The following CHRNB4 variants were observed in gnomAD, a reference collection of about 807,000 sequenced individuals.
CHRNB4 encodes neuronal acetylcholine receptor subunit beta-4.
CHRNB4 carries 23 observed loss-of-function variants against 40.4 expected under a neutral mutation model. The ratio of observed to expected loss-of-function variants is 0.57; its 90% confidence interval spans 0.41 to 0.81. The LOEUF is 0.81. Ranked by LOEUF, CHRNB4 falls within the 30% of genes least tolerant of loss-of-function variation. The pLI is 0.00. For synonymous variants in CHRNB4, 285 were observed against 274.4 expected (o/e 1.04, Z -0.38); for missense variants, 568 against 670.6 (o/e 0.85, Z 1.69).
chr15:78,638,703 C>G (rs1450186077), intron 1 of CHRNB4, among the ~76,000 whole-genome samples: 1 of 152,304 alleles, frequency 6.6e-6, no homozygotes, highest in Non-Finnish European at 1.5e-5. Flanking sequence ...ACTTGCCCCC[C>G]AAAAAGGGGC....
chr15:78,626,767 T>C (rs1410487799), intron 5 of CHRNB4: 1 of 152,238 alleles, frequency 6.6e-6, no homozygotes, highest in Admixed American at 6.5e-5. Flanking sequence ...CAGTAATGTA[T>C]GTCAGCTCCC....
rs1450928142 is a variant in CHRNB4, at chr15:78,625,438, T to G, written c.1339-147A>C. The G allele has an allele frequency of 1.4e-5, 10 of 694,252 alleles. No homozygotes were observed. The South Asian group carries it at 2.2e-4, about 15-fold the overall frequency. The allele number at this position is 694,252 out of a possible 1,614,324, so 43.0% of individuals were successfully genotyped here. ...GGGGGGCAAGTTCTGAGTCCCAGGC[T>G]GGCCTCCCAGCTGGGCAGCTCTGAG... On this transcript the variant is annotated intron_variant, in intron 5 of 5. Transcript: ENST00000261751.
At chr15:78,643,877 C>T (rs934647649), upstream of CHRNB4, among the ~76,000 whole-genome samples, 3 of 151,670 alleles carry the variant, frequency 2.0e-5, no homozygotes, top group African/African-American at 4.8e-5. Context: ...AGGCCGGGCA[C>T]GGTGGCTCAC....
intron 5 of CHRNB4, among the ~76,000 whole-genome samples, chr15:78,655,220 T>G (rs2054202732): frequency 6.6e-6 from 1 of 151,698 alleles, no homozygotes; most frequent in Admixed American, 6.6e-5. Context: ...ATAATTTTTT[T>G]TTTTTGAGAG....
chr15:78,641,941 G>A (rs1456047483), upstream of CHRNB4, among the ~76,000 whole-genome samples: 2 of 152,218 alleles, frequency 1.3e-5, no homozygotes, highest in African/African-American at 4.8e-5. Context: ...CCCACCTCGG[G>A]AACTGCAGCC....
chr15:78,632,191 T>C (rs62010335), intron 2 of CHRNB4, among the ~76,000 whole-genome samples: 1 of 93,818 alleles, frequency 1.1e-5, no homozygotes, highest in African/African-American at 5.3e-5. Flanking sequence ...CTTTCTTTCT[T>C]TCTTTCTTTC....
chr15:78,626,826 T>C (rs1378399308), intron 5 of CHRNB4: 1 of 152,272 alleles, frequency 6.6e-6, no homozygotes, highest in Non-Finnish European at 1.5e-5. Flanking sequence ...CTGGTGATTA[T>C]AATAACTGGT....
intron 2 of CHRNB4, among the ~76,000 whole-genome samples, chr15:78,632,466 C>G (rs1277112895): frequency 6.6e-6 from 1 of 151,966 alleles, no homozygotes; most frequent in African/African-American, 2.4e-5. Flanking sequence ...GGCCACCATA[C>G]CTGGCTAAAT....
At chr15:78,655,060 C>A (rs1473763637) in intron 5 of CHRNB4, among the ~76,000 whole-genome samples, 1 of 152,202 alleles carries the variant, frequency 6.6e-6, no homozygotes, top group Non-Finnish European at 1.5e-5. Context: ...AAAATTCAGA[C>A]AGCAAACATT....
chr15:78,658,158 G>A (rs1483365232), intron 2 of CHRNB4: 1 of 150,588 alleles, frequency 6.6e-6, no homozygotes, highest in Non-Finnish European at 1.5e-5. Context: ...AGCCTCCCGA[G>A]TAGCTGAGAT....
chr15:78,654,980 G>C (rs903503644), intron 5 of CHRNB4, among the ~76,000 whole-genome samples: 3 of 152,128 alleles, frequency 2.0e-5, no homozygotes. Flanking sequence ...CGGATAACTG[G>C]AGTACAATCA....
At position 78,624,931 on chromosome 15, in the gene CHRNB4, C is replaced by T; in HGVS notation, c.*202G>A. ...TGTCTGAAGCTCCCTCCTACTGGGGCTTCCTGGGATCCCTCCAAGGCATTC... is the reference window on the plus strand; with the variant it reads ...TGTCTGAAGCTCCCTCCTACTGGGGTTTCCTGGGATCCCTCCAAGGCATTC... On this transcript the variant is annotated 3_prime_UTR_variant, in exon 6 of 6. Coordinates refer to ENST00000261751, the MANE Select transcript of CHRNB4 (RefSeq NM_000750.5). 1 of 1,481,824 alleles carries T rather than the reference C, an allele frequency of 6.7e-7. No individual in the cohort carries two copies. Among genetic ancestry groups the T allele is most frequent in the East Asian group, 2.5e-5 (1 of 40,492 alleles). The allele number at this position is 1,481,824 out of a possible 1,614,324, so 91.8% of individuals were successfully genotyped here.
rs571975822 is a variant in CHRNB4, at chr15:78,635,990, C to T, written c.56-403G>A. ...TGGTGTGATCTCGGCTCACTGCAAC[C>T]TCTGCCACCTGAGTTCAAGCAATTC... On this transcript the variant is annotated intron_variant, in intron 1 of 5. Coordinates refer to ENST00000261751, the MANE Select transcript of CHRNB4 (RefSeq NM_000750.5). Among the ~76,000 whole-genome samples the T allele has an allele frequency of 1.7e-4, 26 of 151,668 alleles. No individual in the cohort carries two copies. In the South Asian group the frequency reaches 4.6e-3, roughly 27 times the overall value.
Position 78,647,200 on chromosome 15 carries a change from A to G in CHRNB4, c.46+2179T>C, listed in dbSNP as rs550132542. On this transcript the variant is annotated intron_variant and NMD_transcript_variant, in intron 7 of 11. Transcript: ENST00000559849. ...AAATGGTAATAGATTTGACTTCACTAAAGTATTTAAACTTCTATTCAACCA... is the reference window on the plus strand; with the variant it reads ...AAATGGTAATAGATTTGACTTCACTGAAGTATTTAAACTTCTATTCAACCA... Among the ~76,000 whole-genome samples the G allele has an allele frequency of 5.3e-5, 8 of 152,292 alleles. No homozygotes were observed. The South Asian group carries it at 1.0e-3, about 20-fold the overall frequency.
rs2053612777 is a variant in CHRNB4 at position 78,624,813 on chromosome 15, C to T, written c.*320G>A. ...GAGAGATGGTGATGGAGAGGCAGGC[C>T]GGCACCATGCCTGAAGCATAGTAGG... On this transcript the variant is annotated 3_prime_UTR_variant, in exon 6 of 6. Transcript: ENST00000261751. The T allele has an allele frequency of 9.2e-6, 6 of 655,090 alleles. No homozygotes were observed. The Admixed American group carries it at 1.2e-4, about 13-fold the overall frequency. The allele number at this position is 655,090 out of a possible 1,614,324, so 40.6% of individuals were successfully genotyped here.
At chr15:78,631,383 A>C in intron 2 of CHRNB4, 51 bp from the exon 3 acceptor site, 1 of 1,578,592 alleles carries the variant, frequency 6.3e-7, no homozygotes, top group African/African-American at 1.3e-5. Flanking sequence ...GAGCCTCACA[A>C]ATGGATTGCA....
At chr15:78,633,695 A>C (rs1011197706) in intron 2 of CHRNB4, among the ~76,000 whole-genome samples, 1 of 152,024 alleles carries the variant, frequency 6.6e-6, no homozygotes, top group African/African-American at 2.4e-5. Flanking sequence ...TTTTCCTCAC[A>C]TGTCTGGGAG....
chr15:78,628,981 C>G lies in CHRNB4; in HGVS notation c.1324G>C (p.Asp442His). Residue 442 changes from aspartate (D) to histidine (H), a missense_variant, in exon 5 of 6, where the codon GAT becomes CAT. Coordinates refer to ENST00000261751, the MANE Select transcript of CHRNB4 (RefSeq NM_000750.5). ...SFIAQHMKND[D>H]EDQSVVEDWK... ...TAGCAACTTACACTCTGGTCTTCATCGTCATTCTTCATGTGCTGGGCGATG... is the reference window on the plus strand; with the variant it reads ...TAGCAACTTACACTCTGGTCTTCATGGTCATTCTTCATGTGCTGGGCGATG... 6.2e-7 allele frequency: 1 copy of G among 1,612,370 alleles called. No homozygotes were observed. Among genetic ancestry groups the G allele is most frequent in the South Asian group, 1.1e-5 (1 of 90,996 alleles).
chr15:78,629,397 A>G lies in CHRNB4; in HGVS notation c.908T>C (p.Met303Thr). The change falls in exon 5 of 6, where the codon ATG (methionine) becomes ACG (threonine). Residue 303 changes from methionine (M) to threonine (T), a missense_variant. Met to Thr is a moderately conservative substitution (Grantham distance 81). This residue lies in a region of CHRNB4 where 242 missense variants were observed against 274.9 expected (regional missense o/e 0.88). Coordinates refer to ENST00000261751, the MANE Select transcript of CHRNB4 (RefSeq NM_000750.5). The surrounding 1 kb of genome is among the most constrained non-coding windows in gnomAD (Gnocchi z 6.8). ...PLIGKYLMFTMVLVTFSIVTS... is the reference protein window; with the variant it reads ...PLIGKYLMFTTVLVTFSIVTS... The stretch of plus-strand genomic sequence containing the variant: ...GACGATGGAGAAGGTGACCAGCACC[A>G]TGGTGAACATGAGGTACTTGCCGAT... The G allele has an allele frequency of 6.2e-7, 1 of 1,614,176 alleles. No individual in the cohort carries two copies. Among genetic ancestry groups the G allele is most frequent in the South Asian group, 1.1e-5 (1 of 91,084 alleles).
Sources: allele counts gnomAD v4.1 joint callset (sites outside exome capture counted in the v4.1 genomes callset), GRCh38; gene constraint gnomAD v4.1.1; regional missense constraint gnomAD v4.1.1; non-coding constraint Gnocchi (gnomAD v3.1); transcripts MANE v1.5; gene names NCBI Gene and HGNC (gene_info 2026-07-23, HGNC 2026-07-21).